The following PCDH15 variants were observed in gnomAD, a reference collection of about 807,000 sequenced individuals.
The protein encoded by PCDH15 is protocadherin related 15.
Under a neutral mutation model 178.5 loss-of-function variants are expected in PCDH15, and 129 were observed. The observed-to-expected ratio is 0.72, with a 90% CI of 0.63 to 0.84. The LOEUF is 0.84. Ranked by LOEUF, PCDH15 falls within the 40% of genes least tolerant of loss-of-function variation. The probability of loss-of-function intolerance (pLI) is 0.00; values close to 1 mark genes in which losing one functional copy is unlikely to be tolerated. For synonymous variants in PCDH15, 800 were observed against 732.0 expected, an observed-to-expected ratio of 1.09 and a Z score of -1.50; for missense variants, 2,230 against 2,099.9, an observed-to-expected ratio of 1.06 and a Z score of -1.21.
intron 3 of PCDH15, among the ~76,000 whole-genome samples, chr10:54,810,242 C>A (rs1352513057): frequency 6.6e-6 from 1 of 152,176 alleles, no homozygotes; most frequent in East Asian, 1.9e-4. Flanking sequence ...TAATAAGTTT[C>A]GGATTCTCAT....
chr10:55,051,623 T>C (rs935358945), intron 2 of PCDH15, among the ~76,000 whole-genome samples: 10 of 152,138 alleles, frequency 6.6e-5, no homozygotes, highest in African/African-American at 2.4e-4. Flanking sequence ...TGACTTTCAT[T>C]TTAACTGGAA....
intron 1 of PCDH15, among the ~76,000 whole-genome samples, chr10:55,169,012 T>C (rs1839265747): frequency 6.6e-6 from 1 of 152,158 alleles, no homozygotes; most frequent in Non-Finnish European, 1.5e-5. Context: ...CAACTCTCTG[T>C]GGTATTTCAC....
intron 26 of PCDH15, among the ~76,000 whole-genome samples, chr10:53,892,825 G>A (rs1399012488): frequency 2.0e-5 from 3 of 152,170 alleles, no homozygotes; most frequent in Non-Finnish European, 4.4e-5. Flanking sequence ...TATAGTAACA[G>A]CGATATATTC....
chr10:54,676,120 T>C (rs1255219915), intron 1 of PCDH15, among the ~76,000 whole-genome samples: 1 of 152,086 alleles, frequency 6.6e-6, no homozygotes, highest in Non-Finnish European at 1.5e-5. Flanking sequence ...AGTATGGAGA[T>C]GTTTGTACAT....
At chr10:55,270,602 C>A (rs980441702) in intron 1 of PCDH15, among the ~76,000 whole-genome samples, 1 of 151,884 alleles carries the variant, frequency 6.6e-6, no homozygotes, top group African/African-American at 2.4e-5. Context: ...TACCATCTCA[C>A]ACCAGTCAGA....
intron 2 of PCDH15, among the ~76,000 whole-genome samples, chr10:55,613,279 C>T (rs1843408555): frequency 6.6e-6 from 1 of 152,102 alleles, no homozygotes; most frequent in Non-Finnish European, 1.5e-5. Flanking sequence ...ACTGGTGACA[C>T]TATAGCCTAT....
chr10:54,212,744 G>A (rs373453741), intron 10 of PCDH15, among the ~76,000 whole-genome samples: 41 of 152,186 alleles, frequency 2.7e-4, no homozygotes, highest in African/African-American at 9.6e-4. Flanking sequence ...CACAGGTTCT[G>A]TGCTAAGGAC....
chr10:54,481,349 A>G (rs1404259397), intron 3 of PCDH15, among the ~76,000 whole-genome samples: 1 of 151,860 alleles, frequency 6.6e-6, no homozygotes, highest in Non-Finnish European at 1.5e-5. Context: ...TTAATAATCA[A>G]TAATAAGTAT....
chr10:55,418,184 G>A (rs1037069534), intron 2 of PCDH15, among the ~76,000 whole-genome samples: 2 of 151,712 alleles, frequency 1.3e-5, no homozygotes, highest in African/African-American at 4.8e-5. Flanking sequence ...AATAATGAAA[G>A]TGACTTTTTT....
At chr10:55,120,580 G>T (rs1837740967) in intron 2 of PCDH15, among the ~76,000 whole-genome samples, 1 of 152,130 alleles carries the variant, frequency 6.6e-6, no homozygotes, top group African/African-American at 2.4e-5. Context: ...GACATATGAG[G>T]AAATTCAAAG....
chr10:54,438,465 A>G (rs1343882471), intron 3 of PCDH15, among the ~76,000 whole-genome samples: 2 of 151,886 alleles, frequency 1.3e-5, no homozygotes. Context: ...AGCCTCTTAC[A>G]TCTTCTGTGG....
At chr10:55,325,103 T>C (rs1053011370) in intron 2 of PCDH15, among the ~76,000 whole-genome samples, 1 of 152,110 alleles carries the variant, frequency 6.6e-6, no homozygotes, top group African/African-American at 2.4e-5. Flanking sequence ...CATTCCCTAT[T>C]CATGGACAGG....
intron 2 of PCDH15, among the ~76,000 whole-genome samples, chr10:54,531,876 T>C (rs1286084435): frequency 6.6e-6 from 1 of 152,128 alleles, no homozygotes. Flanking sequence ...AGCCGAAAAC[T>C]GGATATTTTC....
chr10:53,911,856 C>A (rs1441215266), intron 25 of PCDH15, among the ~76,000 whole-genome samples: 1 of 152,096 alleles, frequency 6.6e-6, no homozygotes, highest in East Asian at 1.9e-4. Context: ...CAGCCAAATT[C>A]TAATAGAGGT....
chr10:55,445,282 CT>C (rs1286396855), intron 2 of PCDH15, among the ~76,000 whole-genome samples: 1 of 151,230 alleles, frequency 6.6e-6, no homozygotes, highest in Non-Finnish European at 1.5e-5. Flanking sequence ...CTTTTTTTTT[CT>C]GCATCCATGG....
intron 7 of PCDH15, among the ~76,000 whole-genome samples, chr10:54,321,731 CA>C (rs1308416329): frequency 6.7e-6 from 1 of 148,242 alleles, no homozygotes; most frequent in Admixed American, 6.8e-5. Flanking sequence ...AAGTGTATAC[CA>C]AAATACATAA....
At chr10:55,570,921 C>T (rs936479991) in intron 2 of PCDH15, among the ~76,000 whole-genome samples, 1 of 151,962 alleles carries the variant, frequency 6.6e-6, no homozygotes, top group African/African-American at 2.4e-5. Context: ...AGTTGTTCCC[C>T]ATGTTAAAAC....
At chr10:54,385,179 A>C (rs1949766063) in intron 3 of PCDH15, among the ~76,000 whole-genome samples, 1 of 152,160 alleles carries the variant, frequency 6.6e-6, no homozygotes, top group Admixed American at 6.6e-5. Flanking sequence ...TTTGTACAAT[A>C]GAAAATGTGG....
chr10:55,427,535 G>A (rs1838785521), intron 2 of PCDH15, among the ~76,000 whole-genome samples: 1 of 152,154 alleles, frequency 6.6e-6, no homozygotes, highest in South Asian at 2.1e-4. Flanking sequence ...CTAACGAAGA[G>A]CAGCATATAA....
Sources: gnomAD v4.1 joint callset for allele counts (sites outside exome capture counted in the v4.1 genomes callset) on GRCh38, gnomAD v4.1.1 for gene constraint, MANE v1.5 for transcripts, NCBI Gene and HGNC (gene_info 2026-07-23, HGNC 2026-07-21) for gene names.